The following CLASP1 variants were observed in gnomAD, a reference collection of about 807,000 sequenced individuals.
The protein encoded by CLASP1 is cytoplasmic linker associated protein 1.
Under a neutral mutation model 192.3 loss-of-function variants are expected in CLASP1, and 38 were observed. The observed-to-expected ratio is 0.20, with a 90% CI of 0.15 to 0.26. The LOEUF (loss-of-function observed/expected upper bound fraction) is 0.26, where lower values mean the gene tolerates loss of function less well. Ranked by LOEUF, CLASP1 falls within the 10% of genes least tolerant of loss-of-function variation. CLASP1 has a pLI of 1.00. For missense variants in CLASP1, 1,433 were observed against 1,932.5 expected, an observed-to-expected ratio of 0.74 and a Z score of 4.85; for synonymous variants, 691 against 712.8, an observed-to-expected ratio of 0.97 and a Z score of 0.49.
intron 7 of CLASP1, among the ~76,000 whole-genome samples, chr2:121,512,036 C>A (rs2094152300): frequency 6.6e-6 from 1 of 152,076 alleles, no homozygotes; most frequent in Non-Finnish European, 1.5e-5. Flanking sequence ...AAATAGATAG[C>A]AAACGAGTAA....
intron 8 of CLASP1, chr2:121,470,816 C>T: frequency 8.2e-6 from 2 of 243,126 alleles, no homozygotes; most frequent in South Asian, 9.1e-5. Flanking sequence ...CTCATCCTTC[C>T]ACACCATTGC....
intron 8 of CLASP1, among the ~76,000 whole-genome samples, chr2:121,491,224 T>A (rs1212885844): frequency 6.6e-6 from 1 of 152,242 alleles, no homozygotes; most frequent in Non-Finnish European, 1.5e-5. Flanking sequence ...TAAGAGCCAA[T>A]AATGTTATGA....
Position 121,437,736 on chromosome 2 carries a change from T to C in CLASP1, c.1913-7559A>G, listed in dbSNP as rs192433533. ...CACTAATGATGATGCAGGTCTTAAA[T>C]AGGCTTGGGCTTTCTGTCCTTTATG... is the stretch of plus-strand genomic sequence containing the variant. On this transcript the variant is annotated intron_variant, in intron 19 of 39. Transcript: ENST00000263710. Among the ~76,000 whole-genome samples, 320 of 152,346 alleles carry C rather than the reference T, an allele frequency of 2.1e-3. 1 individual carries two copies. The highest frequency in any genetic ancestry group is 7.2e-3 in the African/African-American group (298 of 41,592).
chr2:121,618,763 T>TAG (rs34885680), intron 1 of CLASP1, among the ~76,000 whole-genome samples: 34,871 of 152,026 alleles, frequency 0.23, 5,968 homozygotes, highest in African/African-American at 0.48. Context: ...TAGAGTTCTC[T>TAG]AGCTCTGTAA....
At chr2:121,462,710 T>A in intron 9 of CLASP1, 105 bp from the exon 10 acceptor site, 1 of 688,058 alleles carries the variant, frequency 1.5e-6, no homozygotes, top group Non-Finnish European at 2.5e-6. Context: ...TTTGGAAGAT[T>A]CAGAACATTT....
intron 2 of CLASP1, among the ~76,000 whole-genome samples, chr2:121,578,483 A>T (rs2060779379): frequency 6.7e-6 from 1 of 149,198 alleles, no homozygotes; most frequent in Non-Finnish European, 1.5e-5. Context: ...TAATCCCAAC[A>T]CTTTGGGAGG....
At position 121,378,523 on chromosome 2, in the gene CLASP1, A is replaced by G. The variant is rs114571188; in HGVS notation, c.3492-874T>C. On this transcript the variant is annotated intron_variant, in intron 33 of 39. Coordinates refer to ENST00000263710, the Ensembl canonical transcript of CLASP1. ...TTTTAGATGTCTGGAAAGTGCACTGAAACAGGGAGAATCCTGAGAACAAAA... is the reference window on the plus strand; with the variant it reads ...TTTTAGATGTCTGGAAAGTGCACTGGAACAGGGAGAATCCTGAGAACAAAA... 4.9e-3 allele frequency among the ~76,000 whole-genome samples: 746 copies of G among 152,318 alleles called. 8 individuals are homozygous for G. The highest frequency in any genetic ancestry group is 0.017 in the African/African-American group (723 of 41,556).
At chr2:121,578,656 A>G (rs973710200) in intron 2 of CLASP1, among the ~76,000 whole-genome samples, 4 of 150,598 alleles carry the variant, frequency 2.7e-5, no homozygotes, top group African/African-American at 9.8e-5. Flanking sequence ...TGAACCAGGG[A>G]GGCGGAGGTT....
chr2:121,445,597 G>T, intron 19 of CLASP1: 1 of 544,814 alleles, frequency 1.8e-6, no homozygotes, highest in Non-Finnish European at 3.0e-6. Flanking sequence ...CACTAGGATT[G>T]TGCTATATTT....
At chr2:121,559,661 T>G (rs2058903615) in intron 2 of CLASP1, among the ~76,000 whole-genome samples, 2 of 151,666 alleles carry the variant, frequency 1.3e-5, no homozygotes, top group South Asian at 2.1e-4. Flanking sequence ...AGACAGCAAG[T>G]TGATTAGTTG....
chr2:121,625,959 C>T (rs1315312041), intron 1 of CLASP1, among the ~76,000 whole-genome samples: 1 of 151,822 alleles, frequency 6.6e-6, no homozygotes, highest in Non-Finnish European at 1.5e-5. Context: ...ATTAGCTGGG[C>T]ATGGTGGCAC....
intron 1 of CLASP1, among the ~76,000 whole-genome samples, chr2:121,633,732 C>A (rs188732899): frequency 2.0e-5 from 3 of 152,246 alleles, no homozygotes; most frequent in Admixed American, 6.5e-5. Context: ...CAGGGCCAGG[C>A]ACGGTGGCTC....
exon 40 of CLASP1, chr2:121,340,835 GTCTA>G: frequency 4.4e-6 from 7 of 1,581,236 alleles, no homozygotes; most frequent in Non-Finnish European, 6.1e-6. Flanking sequence ...TTGCTTCTAG[GTCTA>G]CACAAGAGAC....
intron 3 of CLASP1, among the ~76,000 whole-genome samples, chr2:121,529,825 T>C (rs1208078304): frequency 6.6e-6 from 1 of 152,200 alleles, no homozygotes; most frequent in African/African-American, 2.4e-5. Context: ...CTGCCTCTCA[T>C]TAAAGGGGAC....
intron 37 of CLASP1, among the ~76,000 whole-genome samples, chr2:121,357,769 T>C (rs1262780299): frequency 1.3e-5 from 2 of 152,188 alleles, no homozygotes; most frequent in African/African-American, 2.4e-5. Context: ...ACAGAGAATA[T>C]GAGGGCTCAC....
At chr2:121,443,825 C>A (rs1182643690) in intron 19 of CLASP1, among the ~76,000 whole-genome samples, 1 of 152,054 alleles carries the variant, frequency 6.6e-6, no homozygotes, top group Non-Finnish European at 1.5e-5. Context: ...CTCTTGGGAT[C>A]ATGTTCACCT....
chr2:121,473,700 A>G (rs1445698313), intron 8 of CLASP1, among the ~76,000 whole-genome samples: 3 of 152,218 alleles, frequency 2.0e-5, no homozygotes, highest in African/African-American at 7.2e-5. Flanking sequence ...GCTTAAACCC[A>G]GACAAGAGCA....
chr2:121,379,951 C>T (rs2071247415), intron 33 of CLASP1, among the ~76,000 whole-genome samples: 2 of 152,182 alleles, frequency 1.3e-5, no homozygotes, highest in Admixed American at 6.5e-5. Flanking sequence ...TTCAGGAGCA[C>T]CATTTGCAGA....
chr2:121,621,682 T>TA (rs2106113876), intron 1 of CLASP1, among the ~76,000 whole-genome samples: 2 of 152,348 alleles, frequency 1.3e-5, no homozygotes, highest in South Asian at 4.1e-4. Flanking sequence ...TCTATCTTTA[T>TA]GCCAGTATCA....
Sources: allele counts gnomAD v4.1 joint callset (sites outside exome capture counted in the v4.1 genomes callset), GRCh38; gene constraint gnomAD v4.1.1; transcripts MANE v1.5; gene names NCBI Gene and HGNC (gene_info 2026-07-23, HGNC 2026-07-21).